TOP1: variants seen among roughly 807,000 people sequenced by gnomAD.
The protein encoded by TOP1 is DNA topoisomerase I.
A neutral mutation model predicts 111.1 loss-of-function variants in TOP1; 10 were observed. That is an observed-to-expected ratio of 0.09 (90% CI 0.06 to 0.15). The LOEUF is 0.15. Ranked by LOEUF, TOP1 falls within the 10% of genes least tolerant of loss-of-function variation. The pLI, the probability that TOP1 is intolerant of heterozygous loss-of-function variation, is 1.00. For missense variants in TOP1, 474 were observed against 926.7 expected (o/e 0.51, Z 6.34); for synonymous variants, 271 against 302.9 (o/e 0.89, Z 1.10).
At chr20:41,084,654 T>A in intron 8 of TOP1, 86 bp downstream of exon 8, 1 of 743,550 alleles carries the variant, frequency 1.3e-6, no homozygotes, top group South Asian at 2.5e-5. Flanking sequence ...AAAATTAATA[T>A]CCTGATATTT....
intron 3 of TOP1, among the ~76,000 whole-genome samples, chr20:41,065,641 A>G (rs1360363929): frequency 1.3e-5 from 2 of 152,164 alleles, no homozygotes; most frequent in African/African-American, 4.8e-5. Flanking sequence ...AGTACTTCAT[A>G]TAAGTGGAAT....
intron 13 of TOP1, among the ~76,000 whole-genome samples, chr20:41,111,232 G>A (rs2034234619): frequency 6.6e-6 from 1 of 152,160 alleles, no homozygotes; most frequent in Admixed American, 6.5e-5. Flanking sequence ...ATTTTTCCGT[G>A]CATGTGTAAG....
intron 2 of TOP1, among the ~76,000 whole-genome samples, chr20:41,048,448 A>G (rs770649038): frequency 2.9e-4 from 44 of 152,182 alleles, no homozygotes; most frequent in South Asian, 6.2e-4. Context: ...GGCCAAGACA[A>G]TTTTTAAAAT....
At position 41,067,240 on chromosome 20, in the gene TOP1, C is replaced by G. The variant is rs1401437967; in HGVS notation, c.155+5750C>G. On this transcript the variant is annotated intron_variant, in intron 3 of 20. Transcript: ENST00000361337. The surrounding 1 kb of genome is among the most constrained non-coding windows in gnomAD (Gnocchi z 4.0). ...GTTCAAGCGATTCTCCTGCCTCAGC[C>G]TCCCGAGTAGCTGGGACTTACAGGC... Among the ~76,000 whole-genome samples the G allele has an allele frequency of 6.6e-6, 1 of 152,092 alleles. No homozygotes were observed. Among genetic ancestry groups the G allele is most frequent in the Non-Finnish European group, 1.5e-5 (1 of 68,022 alleles).
At chr20:41,062,548 T>C (rs927033703) in intron 3 of TOP1, among the ~76,000 whole-genome samples, 1 of 152,234 alleles carries the variant, frequency 6.6e-6, no homozygotes, top group Admixed American at 6.5e-5. Context: ...TTGAATCTAC[T>C]CTACATCTTT....
intron 3 of TOP1, among the ~76,000 whole-genome samples, chr20:41,063,370 TC>T (rs1254440397): frequency 6.6e-6 from 1 of 152,206 alleles, no homozygotes; most frequent in Non-Finnish European, 1.5e-5. Context: ...TTCCATGTCT[TC>T]CCTATTGAGA....
chr20:41,121,579 T>TA lies in TOP1; in HGVS notation c.1951-116dup, dbSNP rs1389905346. The stretch of plus-strand genomic sequence containing the variant: ...TCATGAAGCCACCCTTGTTTTTTTT[T>TA]ATCTGACAAACCACTGACAGAGACA... On this transcript the variant is annotated intron_variant, in intron 18 of 20. Transcript: ENST00000361337. The surrounding 1 kb of genome is among the most constrained non-coding windows in gnomAD (Gnocchi z 4.2). 18 of 786,726 alleles carry TA rather than the reference T, an allele frequency of 2.3e-5. No individual in the cohort carries two copies. The Admixed American group carries it at 2.9e-4, about 13-fold the overall frequency. The allele number at this position is 786,726 out of a possible 1,614,324, so 48.7% of individuals were successfully genotyped here. A position where few individuals can be genotyped will look rare whatever the true frequency, so the allele number is the denominator to read the frequency against.
chr20:41,089,016 A>ATTTTTTTTTTTTTTTTTTTTTTTT (rs2033882677), intron 8 of TOP1, among the ~76,000 whole-genome samples: 1 of 77,352 alleles, frequency 1.3e-5, no homozygotes, highest in African/African-American at 6.7e-5. Flanking sequence ...CTGTTGCCCC[A>ATTTTTTTTTTTTTTTTTTTTTTTT]GTTCTTTTTT....
rs992253739 is a variant in TOP1, at chr20:41,076,410, G to T, written c.279+116G>T. 9.9e-6 allele frequency: 14 copies of T among 1,408,894 alleles called. No homozygotes were observed. In the African/African-American group the frequency reaches 1.9e-4, roughly 19 times the overall value. The allele number at this position is 1,408,894 out of a possible 1,614,324, so 87.3% of individuals were successfully genotyped here. ...TTGGTCTTGAAGTGAAAGGTTTCTT[G>T]TCAGGAGAATTTAGAGCAAACTGTA... On this transcript the variant is annotated intron_variant, in intron 4 of 20. Coordinates refer to ENST00000361337, the MANE Select transcript of TOP1 (RefSeq NM_003286.4).
Position 41,092,713 on chromosome 20 carries a change from T to C in TOP1, c.730+126T>C. Reference sequence around the variant, plus strand: ...TTTATTTCATTTTGTTTTATTGCCATGCAATTTTGAGGAAGGGGCATCAGG... The same window carrying C: ...TTTATTTCATTTTGTTTTATTGCCACGCAATTTTGAGGAAGGGGCATCAGG... On this transcript the variant is annotated intron_variant, in intron 9 of 20. Transcript: ENST00000361337. The surrounding 1 kb of genome is among the most constrained non-coding windows in gnomAD (Gnocchi z 4.3). The C allele has an allele frequency of 1.8e-6, 1 of 561,706 alleles. No homozygotes were observed. Among genetic ancestry groups the C allele is most frequent in the Non-Finnish European group, 3.1e-6 (1 of 321,494 alleles). 34.8% of individuals were successfully genotyped at this position (561,706 alleles called of 1,614,324 possible). A position where few individuals can be genotyped will look rare whatever the true frequency, so the allele number is the denominator to read the frequency against.
Position 41,123,372 on chromosome 20 carries a change from G to A in TOP1, c.*75G>A. 1 of 1,077,768 alleles carries A rather than the reference G, an allele frequency of 9.3e-7. No homozygotes were observed. Among genetic ancestry groups the A allele is most frequent in the Middle Eastern group, 2.7e-4 (1 of 3,764 alleles). The allele number at this position is 1,077,768 out of a possible 1,614,324, so 66.8% of individuals were successfully genotyped here. ...AAGATGGATAAACTGAGCCTCACTT[G>A]CCCTCGTGCCTGGGGGAGAGAGGCA... is the stretch of plus-strand genomic sequence containing the variant. On this transcript the variant is annotated 3_prime_UTR_variant, in exon 21 of 21. Transcript: ENST00000361337. This position sits in a 1 kb window ranked among gnomAD's most constrained non-coding sequence, Gnocchi z 5.8.
rs946372515 is a variant in TOP1, at chr20:41,067,770, C to T, written c.155+6280C>T. ...CCCAGGAGGCATTTACTGTCCTGTG[C>T]AGTAGCAATACTGCAGACTTGGAGT... On this transcript the variant is annotated intron_variant, in intron 3 of 20. Coordinates refer to ENST00000361337, the MANE Select transcript of TOP1 (RefSeq NM_003286.4). The surrounding 1 kb of genome is among the most constrained non-coding windows in gnomAD (Gnocchi z 4.0). Among the ~76,000 whole-genome samples, 7 of 152,196 alleles carry T rather than the reference C, an allele frequency of 4.6e-5. No individual in the cohort carries two copies. The highest frequency in any genetic ancestry group is 8.8e-5 in the Non-Finnish European group (6 of 68,034).
intron 2 of TOP1, among the ~76,000 whole-genome samples, chr20:41,056,292 A>G (rs752791918): frequency 2.9e-4 from 44 of 152,272 alleles, no homozygotes; most frequent in Non-Finnish European, 3.8e-4. Context: ...TTTAGTGGTT[A>G]GTTCTTTTGT....
rs2034198578 is a variant in TOP1 at position 41,109,388 on chromosome 20, T to C, written c.1309-3394T>C. 6.6e-6 allele frequency among the ~76,000 whole-genome samples: 1 copy of C among 152,180 alleles called. No homozygotes were observed. The highest frequency in any genetic ancestry group is 2.4e-5 in the African/African-American group (1 of 41,448). The stretch of plus-strand genomic sequence containing the variant: ...AAAATATTAAAGCTTGTAGGTGATA[T>C]CATGGTTGAATATGACCTTAGAGTA... On this transcript the variant is annotated intron_variant, in intron 13 of 20. Transcript: ENST00000361337. The surrounding 1 kb of genome is among the most constrained non-coding windows in gnomAD (Gnocchi z 4.1).
At chr20:41,064,530 T>C (rs749299167) in intron 3 of TOP1, among the ~76,000 whole-genome samples, 5 of 152,234 alleles carry the variant, frequency 3.3e-5, no homozygotes, top group Admixed American at 3.3e-4. Flanking sequence ...TTTTGCTGTT[T>C]ATCCTTATTT....
rs796189123 is a variant in TOP1 at position 41,046,628 on chromosome 20, GCTTGGAC to G, written c.59-14764_59-14758del. Reference sequence around the variant, plus strand: ...TTTATTTTTTAGCAGTTCAGCTTGTGCTTGGACCCAGTTGTTCCAGAAATCAGTAAAA... The same window carrying G: ...TTTATTTTTTAGCAGTTCAGCTTGTGCCAGTTGTTCCAGAAATCAGTAAAA... On this transcript the variant is annotated intron_variant, in intron 2 of 20. Coordinates refer to ENST00000361337, the MANE Select transcript of TOP1 (RefSeq NM_003286.4). This position sits in a 1 kb window ranked among gnomAD's most constrained non-coding sequence, Gnocchi z 4.3. Among the ~76,000 whole-genome samples the G allele has an allele frequency of 3.9e-4, 59 of 152,332 alleles. No individual in the cohort carries two copies. Among genetic ancestry groups the G allele is most frequent in the African/African-American group, 1.4e-3 (58 of 41,566 alleles).
Position 41,102,505 on chromosome 20 carries a change from G to T in TOP1, c.1308+1152G>T, listed in dbSNP as rs1161958144. On this transcript the variant is annotated intron_variant, in intron 13 of 20. Coordinates refer to ENST00000361337, the MANE Select transcript of TOP1 (RefSeq NM_003286.4). The surrounding 1 kb of genome is among the most constrained non-coding windows in gnomAD (Gnocchi z 4.0). The stretch of plus-strand genomic sequence containing the variant: ...GGTGCCTGTAATCCCATCTACTTGG[G>T]AGGCGGAGGCAGGAGAATCGCTTGA... Among the ~76,000 whole-genome samples, 3 of 152,170 alleles carry T rather than the reference G, an allele frequency of 2.0e-5. No homozygotes were observed. The highest frequency in any genetic ancestry group is 7.2e-5 in the African/African-American group (3 of 41,426).
Position 41,112,999 on chromosome 20 carries a change from T to C in TOP1, c.1452+74T>C. ...GGAGTTTCTGCTCTGCCCCAGGCCCTGTGCCACATACTGTATATCACAACT... is the reference window on the plus strand; with the variant it reads ...GGAGTTTCTGCTCTGCCCCAGGCCCCGTGCCACATACTGTATATCACAACT... On this transcript the variant is annotated intron_variant, in intron 14 of 20. Transcript: ENST00000361337. This position sits in a 1 kb window ranked among gnomAD's most constrained non-coding sequence, Gnocchi z 5.8. 5 of 1,483,030 alleles carry C rather than the reference T, an allele frequency of 3.4e-6. No homozygotes were observed. The highest frequency in any genetic ancestry group is 4.6e-6 in the Non-Finnish European group (5 of 1,088,694). The allele number at this position is 1,483,030 out of a possible 1,614,324, so 91.9% of individuals were successfully genotyped here.
At position 41,068,784 on chromosome 20, in the gene TOP1, T is replaced by C. The variant is rs972883027; in HGVS notation, c.155+7294T>C. Among the ~76,000 whole-genome samples, 47 of 152,344 alleles carry C rather than the reference T, an allele frequency of 3.1e-4. 1 individual carries two copies. The highest frequency in any genetic ancestry group is 1.1e-3 in the African/African-American group (44 of 41,584). ...AGCTTGTAGGATCTCACGAGCTACCTTTCTTAAAGGGTTACATTCTTATCC... is the reference window on the plus strand; with the variant it reads ...AGCTTGTAGGATCTCACGAGCTACCCTTCTTAAAGGGTTACATTCTTATCC... On this transcript the variant is annotated intron_variant, in intron 3 of 20. Coordinates refer to ENST00000361337, the MANE Select transcript of TOP1 (RefSeq NM_003286.4).
Sources: gnomAD v4.1 joint callset for allele counts (sites outside exome capture counted in the v4.1 genomes callset) on GRCh38, gnomAD v4.1.1 for gene constraint, Gnocchi (gnomAD v3.1) non-coding constraint, MANE v1.5 for transcripts, NCBI Gene and HGNC (gene_info 2026-07-23, HGNC 2026-07-21) for gene names.